SLIT2: variants seen among roughly 807,000 people sequenced by gnomAD.
The protein encoded by SLIT2 is slit homolog 2 protein.
SLIT2 carries 41 observed loss-of-function variants against 185.7 expected under a neutral mutation model. That is an observed-to-expected ratio of 0.22 (90% CI 0.17 to 0.29). The LOEUF (loss-of-function observed/expected upper bound fraction) is 0.29. Among genes scored for constraint, SLIT2 ranks in the 10% least tolerant of loss-of-function variants. SLIT2 has a pLI of 1.00. For synonymous variants in SLIT2, 693 were observed against 680.2 expected (o/e 1.02, Z -0.29); for missense variants, 1,571 against 1,909.0 (o/e 0.82, Z 3.30).
chr4:20,618,698 G>A, intron 36 of SLIT2, 70 bp from the exon 37 acceptor site: 1 of 1,461,522 alleles, frequency 6.8e-7, no homozygotes. Flanking sequence ...TTAAGTTGTG[G>A]ATTCACAGTC....
In SLIT2 at chr4:20,579,902, A is replaced by G. The variant is rs945911789; in HGVS notation, c.3089-9742A>G. Among the ~76,000 whole-genome samples, 7 of 149,752 alleles carry G rather than the reference A, an allele frequency of 4.7e-5. No individual in the cohort carries two copies. The South Asian group carries it at 1.5e-3, about 31-fold the overall frequency. On this transcript the variant is annotated intron_variant, in intron 29 of 36. Coordinates refer to ENST00000504154, the MANE Select transcript of SLIT2 (RefSeq NM_004787.4). The stretch of plus-strand genomic sequence containing the variant: ...AGTTAAAGCAGTATTTTTTAAAGAA[A>G]AAGTACATTTAAGAAATTTGACAGT...
At chr4:20,494,027 G>C (rs1330671960) in intron 9 of SLIT2, among the ~76,000 whole-genome samples, 1 of 152,216 alleles carries the variant, frequency 6.6e-6, no homozygotes, top group Non-Finnish European at 1.5e-5. Context: ...TTCATGGATG[G>C]TCATGTTGAT....
At chr4:20,365,040 C>T (rs935444890) in intron 4 of SLIT2, among the ~76,000 whole-genome samples, 1 of 152,062 alleles carries the variant, frequency 6.6e-6, no homozygotes, top group Non-Finnish European at 1.5e-5. Flanking sequence ...TTTCCAGCTT[C>T]GACTCACTGC....
intron 4 of SLIT2, among the ~76,000 whole-genome samples, chr4:20,446,585 T>G (rs1711827338): frequency 6.6e-6 from 1 of 152,178 alleles, no homozygotes; most frequent in African/African-American, 2.4e-5. Context: ...AGGCAGTGTT[T>G]AAAAGCACAG....
At chr4:20,590,793 C>A (rs559726088) in intron 30 of SLIT2, among the ~76,000 whole-genome samples, 1 of 152,180 alleles carries the variant, frequency 6.6e-6, no homozygotes, top group African/African-American at 2.4e-5. Context: ...ATCATCTAGT[C>A]TTCATTTAAA....
chr4:20,262,203 T>C (rs765270841), intron 3 of SLIT2, among the ~76,000 whole-genome samples: 3 of 151,856 alleles, frequency 2.0e-5, no homozygotes, highest in African/African-American at 7.2e-5. Context: ...TGAGATGGTA[T>C]GTAAAAGACA....
Position 20,472,376 on chromosome 4 carries a change from CTA to C in SLIT2, c.467+4561_467+4562del, listed in dbSNP as rs564500559. On this transcript the variant is annotated intron_variant, in intron 5 of 36. Coordinates refer to ENST00000504154, the MANE Select transcript of SLIT2 (RefSeq NM_004787.4). ...TAGATATCTATATAGATATCTATAT[CTA>C]TATATATGTAGATATATAGATATAG... is the stretch of plus-strand genomic sequence containing the variant. 4.4e-3 allele frequency among the ~76,000 whole-genome samples: 41 copies of C among 9,258 alleles called. 6 individuals carry two copies. Among genetic ancestry groups the C allele is most frequent in the African/African-American group, 0.023 (37 of 1,594 alleles). 6.1% of individuals were successfully genotyped at this position (9,258 alleles called of 152,430 possible).
chr4:20,344,207 C>T (rs943231096), intron 4 of SLIT2, among the ~76,000 whole-genome samples: 8 of 152,098 alleles, frequency 5.3e-5, no homozygotes, highest in Non-Finnish European at 1.0e-4. Context: ...TTTTTGCTAC[C>T]GTGGCTTACA....
chr4:20,474,967 G>T (rs1715935645), intron 5 of SLIT2, among the ~76,000 whole-genome samples: 1 of 151,592 alleles, frequency 6.6e-6, no homozygotes, highest in African/African-American at 2.4e-5. Flanking sequence ...GAAACTCTAG[G>T]ACTAGGCAGA....
At chr4:20,442,523 C>CAAAAAAAAA (rs3049201) in intron 4 of SLIT2, among the ~76,000 whole-genome samples, 2 of 74,222 alleles carry the variant, frequency 2.7e-5, no homozygotes, top group Non-Finnish European at 5.2e-5. Context: ...GACTCTGTCT[C>CAAAAAAAAA]AAAAAAAAAA....
intron 26 of SLIT2, among the ~76,000 whole-genome samples, chr4:20,558,268 A>G (rs1451121537): frequency 1.3e-5 from 2 of 152,018 alleles, no homozygotes; most frequent in African/African-American, 2.4e-5. Context: ...GGAAGAGTCA[A>G]TTGAGGCAGC....
In SLIT2 at chr4:20,484,174, T is replaced by G. The variant is rs1716978525; in HGVS notation, c.540-2026T>G. On this transcript the variant is annotated intron_variant, in intron 6 of 36. Transcript: ENST00000504154. This position sits in a 1 kb window ranked among gnomAD's most constrained non-coding sequence, Gnocchi z 4.3. ...GCATGTCTGCTCTCTGTGTAGTACTTAAAACAATTTATTCCCAAAGTCATA... is the reference window on the plus strand; with the variant it reads ...GCATGTCTGCTCTCTGTGTAGTACTGAAAACAATTTATTCCCAAAGTCATA... Among the ~76,000 whole-genome samples, 1 of 152,110 alleles carries G rather than the reference T, an allele frequency of 6.6e-6. No individual in the cohort carries two copies. The highest frequency in any genetic ancestry group is 6.6e-5 in the Admixed American group (1 of 15,242).
intron 4 of SLIT2, among the ~76,000 whole-genome samples, chr4:20,451,590 A>T (rs1347939285): frequency 6.6e-6 from 1 of 152,266 alleles, no homozygotes; most frequent in East Asian, 1.9e-4. Context: ...AAAAAGATAT[A>T]CTGAGACAGA....
At chr4:20,332,073 C>T (rs528209282) in intron 4 of SLIT2, among the ~76,000 whole-genome samples, 1 of 152,244 alleles carries the variant, frequency 6.6e-6, no homozygotes, top group Admixed American at 6.5e-5. Flanking sequence ...GTGAATTATG[C>T]TGCTATGAGC....
At chr4:20,333,465 T>A (rs1309109532) in intron 4 of SLIT2, among the ~76,000 whole-genome samples, 1 of 152,150 alleles carries the variant, frequency 6.6e-6, no homozygotes, top group Non-Finnish European at 1.5e-5. Flanking sequence ...TGTTTCTCCC[T>A]CTCCCTCCAC....
At position 20,596,667 on chromosome 4, in the gene SLIT2, C is replaced by T; in HGVS notation, c.3561+12C>T. 1 of 1,608,450 alleles carries T rather than the reference C, an allele frequency of 6.2e-7. No individual in the cohort carries two copies. Among genetic ancestry groups the T allele is most frequent in the Non-Finnish European group, 8.5e-7 (1 of 1,178,956 alleles). ...ACATAACACTTCAGGTAAGAGATCT[C>T]TCTCTATGGAGAGATGATCGGATCT... On this transcript the variant is annotated intron_variant, in intron 32 of 36. Transcript: ENST00000504154.
chr4:20,393,783 A>G (rs1725646057), intron 4 of SLIT2: 1 of 152,070 alleles, frequency 6.6e-6, no homozygotes, highest in Non-Finnish European at 1.5e-5. Flanking sequence ...GTCATTTTAT[A>G]GACTTTGAAA....
At position 20,529,035 on chromosome 4, in the gene SLIT2, G is replaced by A. The variant is rs1415185735; in HGVS notation, c.1549G>A (p.Val517Ile). Reference sequence around the variant, plus strand: ...AAAGTGTCGCTGTGAAGGAACCACAGTAGATTGCTCTAATCAAAAGCTCAA... The same window carrying A: ...AAAGTGTCGCTGTGAAGGAACCACAATAGATTGCTCTAATCAAAAGCTCAA... ...PEKCRCEGTT[V>I]DCSNQKLNKI... The change falls in exon 16 of 37, where the codon GTA becomes ATA. Residue 517 changes from valine (V) to isoleucine (I), a missense_variant. Coordinates refer to ENST00000504154, the MANE Select transcript of SLIT2 (RefSeq NM_004787.4). 2.5e-6 allele frequency: 4 copies of A among 1,613,896 alleles called. No individual in the cohort carries two copies. Among genetic ancestry groups the A allele is most frequent in the Non-Finnish European group, 3.4e-6 (4 of 1,179,958 alleles).
intron 4 of SLIT2, among the ~76,000 whole-genome samples, chr4:20,448,392 G>T (rs1712065630): frequency 6.6e-6 from 1 of 152,020 alleles, no homozygotes; most frequent in Non-Finnish European, 1.5e-5. Context: ...CGCGATCTTG[G>T]CTCACTGCAA....
Sources: allele counts gnomAD v4.1 joint callset (sites outside exome capture counted in the v4.1 genomes callset), GRCh38; gene constraint gnomAD v4.1.1; non-coding constraint Gnocchi (gnomAD v3.1); transcripts MANE v1.5; gene names NCBI Gene and HGNC (gene_info 2026-07-23, HGNC 2026-07-21).